The following TMEM238L variants were observed in gnomAD, a reference collection of about 807,000 sequenced individuals.
The protein encoded by TMEM238L is transmembrane protein 238-like.
At chr17:10,799,674 G>C (rs1030774806) in intron 1 of TMEM238L, among the ~76,000 whole-genome samples, 1 of 152,256 alleles carries the variant, frequency 6.6e-6, no homozygotes, top group Non-Finnish European at 1.5e-5. Context: ...ATAGGCCAAA[G>C]GTCGTAGGCT....
intron 1 of TMEM238L, chr17:10,797,872 C>T (rs146386288): frequency 5.3e-5 from 8 of 152,334 alleles, no homozygotes; most frequent in African/African-American, 9.6e-5. Flanking sequence ...CCATTCTGCA[C>T]ACGATGCTCA....
At chr17:10,795,469 G>A (rs1904513118) in exon 2 of TMEM238L, 1 of 152,218 alleles carries the variant, frequency 6.6e-6, no homozygotes, top group Non-Finnish European at 1.5e-5. Context: ...AGTGTCAAAG[G>A]GTAGATACAG....
intron 1 of TMEM238L, among the ~76,000 whole-genome samples, chr17:10,801,605 T>C (rs1433339479): frequency 6.6e-6 from 1 of 152,212 alleles, no homozygotes; most frequent in Non-Finnish European, 1.5e-5. Context: ...AAGCTTTCCC[T>C]GACTCCATCT....
intron 1 of TMEM238L, among the ~76,000 whole-genome samples, chr17:10,801,895 C>T (rs1904758935): frequency 6.6e-6 from 1 of 152,066 alleles, no homozygotes; most frequent in Admixed American, 6.5e-5. Flanking sequence ...AATCCTTCTG[C>T]CTCAACCTCC....
exon 1 of TMEM238L, chr17:10,803,654 C>G: frequency 2.5e-6 from 1 of 398,174 alleles, no homozygotes; most frequent in East Asian, 3.6e-5. Context: ...TGTTGCTGCC[C>G]AAGAGCCCCA....
intron 1 of TMEM238L, among the ~76,000 whole-genome samples, chr17:10,802,776 C>T (rs990540484): frequency 1.3e-5 from 2 of 152,144 alleles, no homozygotes; most frequent in Non-Finnish European, 2.9e-5. Context: ...GACAGCTGTC[C>T]ATCTCTAATT....
chr17:10,795,316 G>A (rs980487324), exon 2 of TMEM238L: 1 of 152,282 alleles, frequency 6.6e-6, no homozygotes, highest in African/African-American at 2.4e-5. Flanking sequence ...TGCATGGCCA[G>A]GCTGTGCAAA....
exon 2 of TMEM238L, chr17:10,795,780 G>A (rs1248864002): frequency 6.6e-6 from 1 of 152,230 alleles, no homozygotes; most frequent in East Asian, 1.9e-4. Context: ...GGCTTGTGAT[G>A]GAGTCTGGAA....
chr17:10,796,904 T>C (rs949198635), intron 1 of TMEM238L, among the ~76,000 whole-genome samples: 1 of 152,164 alleles, frequency 6.6e-6, no homozygotes, highest in Admixed American at 6.5e-5. Flanking sequence ...GGCCAGGTAG[T>C]AAATGTCATA....
intron 1 of TMEM238L, among the ~76,000 whole-genome samples, chr17:10,798,281 T>C (rs1012552773): frequency 4.6e-5 from 7 of 152,082 alleles, no homozygotes; most frequent in African/African-American, 1.7e-4. Context: ...TGCAATGCAT[T>C]TTCCCTTGGA....
chr17:10,796,795 T>A (rs967917862), intron 1 of TMEM238L, among the ~76,000 whole-genome samples: 1 of 152,182 alleles, frequency 6.6e-6, no homozygotes, highest in African/African-American at 2.4e-5. Flanking sequence ...GCTTTCCTTT[T>A]CCCGTTCCCC....
intron 1 of TMEM238L, among the ~76,000 whole-genome samples, chr17:10,800,762 A>G (rs1213913379): frequency 1.3e-5 from 2 of 152,202 alleles, no homozygotes; most frequent in Non-Finnish European, 2.9e-5. Flanking sequence ...TCACGTTGCT[A>G]GAAAGGAATA....
intron 1 of TMEM238L, among the ~76,000 whole-genome samples, chr17:10,798,524 C>T (rs1320455170): frequency 6.6e-6 from 1 of 152,102 alleles, no homozygotes; most frequent in African/African-American, 2.4e-5. Flanking sequence ...TGGAAAAAGT[C>T]GAAGTGGAGG....
At chr17:10,801,212 G>A (rs1456462311) in intron 1 of TMEM238L, among the ~76,000 whole-genome samples, 19 of 151,920 alleles carry the variant, frequency 1.3e-4, no homozygotes, top group South Asian at 2.1e-4. Flanking sequence ...CACTGCGCCC[G>A]GCTAATTTTT....
At chr17:10,797,353 C>T (rs888549594) in intron 1 of TMEM238L, among the ~76,000 whole-genome samples, 5 of 145,962 alleles carry the variant, frequency 3.4e-5, no homozygotes, top group Admixed American at 6.9e-5. Context: ...TCTTCCTCCC[C>T]CCTTTCCTTC....
intron 1 of TMEM238L, among the ~76,000 whole-genome samples, chr17:10,801,774 G>A (rs888855345): frequency 9.2e-5 from 14 of 151,364 alleles, no homozygotes; most frequent in East Asian, 3.9e-4. Flanking sequence ...GAGCCCCCAC[G>A]TCATGTGTCT....
At chr17:10,800,943 C>T (rs1904721709) in intron 1 of TMEM238L, among the ~76,000 whole-genome samples, 2 of 152,170 alleles carry the variant, frequency 1.3e-5, no homozygotes, top group Non-Finnish European at 2.9e-5. Flanking sequence ...CGGTAATAAT[C>T]ATAACCATAA....
chr17:10,800,453 C>T (rs1463882345), intron 1 of TMEM238L, among the ~76,000 whole-genome samples: 1 of 152,106 alleles, frequency 6.6e-6, no homozygotes, highest in Non-Finnish European at 1.5e-5. Flanking sequence ...TTCTTTGAAC[C>T]AGGACAAAAC....
At chr17:10,796,120 AGACTCAGCTTCCTTTGCCTG>A (rs1904533241) in intron 1 of TMEM238L, among the ~76,000 whole-genome samples, 172 bp from the exon 2 acceptor site, 1 of 152,230 alleles carries the variant, frequency 6.6e-6, no homozygotes, top group South Asian at 2.1e-4. Flanking sequence ...AAACCACATG[AGACTCAGCTTCCTTTGCCTG>A]GAAAATGGAA....
Sources: gnomAD v4.1 joint callset for allele counts (sites outside exome capture counted in the v4.1 genomes callset) on GRCh38, gnomAD v4.1.1 for gene constraint, MANE v1.5 for transcripts, NCBI Gene and HGNC (gene_info 2026-07-23, HGNC 2026-07-21) for gene names.